Variants in ATAD5 observed in about 807,000 individuals in gnomAD.
The protein encoded by ATAD5 is ATPase family AAA domain containing 5.
In ATAD5, 58 loss-of-function variants were observed where a neutral mutation model predicts 176.9. The observed-to-expected ratio is 0.33, with a 90% CI of 0.27 to 0.41. The LOEUF (loss-of-function observed/expected upper bound fraction) is 0.41. Ranked by LOEUF, ATAD5 falls within the 10% of genes least tolerant of loss-of-function variation. The pLI, the probability that ATAD5 is intolerant of heterozygous loss-of-function variation, is 1.00. For missense variants in ATAD5, 1,789 were observed against 2,094.1 expected (o/e 0.85, Z 2.84); for synonymous variants, 640 against 712.6 (o/e 0.90, Z 1.62).
intron 19 of ATAD5, among the ~76,000 whole-genome samples, chr17:30,888,134 A>C (rs548190793): frequency 5.3e-5 from 8 of 151,854 alleles, no homozygotes; most frequent in South Asian, 2.1e-4. Context: ...TACTTGGCCC[A>C]AAAAAAAATT....
intron 15 of ATAD5, among the ~76,000 whole-genome samples, 189 bp downstream of exon 15, chr17:30,876,739 G>T (rs1288400860): frequency 9.2e-6 from 1 of 108,476 alleles, no homozygotes; most frequent in Non-Finnish European, 1.7e-5. Context: ...TTGAGACAGA[G>T]TCTTGCTCTA....
intron 11 of ATAD5, among the ~76,000 whole-genome samples, 178 bp downstream of exon 11, chr17:30,865,978 T>C (rs1907952867): frequency 6.6e-6 from 1 of 152,082 alleles, no homozygotes; most frequent in South Asian, 2.1e-4. Flanking sequence ...AGATAATCAT[T>C]GAAAATTTTT....
At chr17:30,844,102 T>C (rs1385567656) in intron 5 of ATAD5, 63 bp downstream of exon 5, 6 of 1,259,078 alleles carry the variant, frequency 4.8e-6, no homozygotes, top group Middle Eastern at 2.3e-4. Context: ...TGTTTTGTTT[T>C]GTTTTTGTGT....
chr17:30,840,808 T>C (rs958645465), intron 4 of ATAD5, 27 bp downstream of exon 4: 29 of 1,573,452 alleles, frequency 1.8e-5, no homozygotes, highest in Non-Finnish European at 2.3e-5. Context: ...TCTGTTGGTA[T>C]AAATTCTCTC....
intron 19 of ATAD5, among the ~76,000 whole-genome samples, chr17:30,892,191 G>A (rs1023584800): frequency 4.7e-4 from 72 of 151,602 alleles, no homozygotes; most frequent in African/African-American, 1.6e-3. Context: ...TTGGGAGGTC[G>A]AGGGGGGTGG....
chr17:30,855,271 A>G lies in ATAD5; in HGVS notation c.2579A>G (p.Tyr860Cys). 1 of 1,613,374 alleles carries G rather than the reference A, an allele frequency of 6.2e-7. No individual in the cohort carries two copies. The highest frequency in any genetic ancestry group is 1.7e-4 in the Middle Eastern group (1 of 6,056). Residue 860 changes from tyrosine to cysteine, a missense_variant, in exon 7 of 23, where the codon TAC becomes TGC. Around this residue, in one of 6 missense-constraint regions of ATAD5, gnomAD observed 487 missense variants for 573.6 expected, o/e 0.85. Transcript: ENST00000321990. Reference protein sequence around the residue: ...IAKKAAALDVYNAVSTSFQRV... With the variant: ...IAKKAAALDVCNAVSTSFQRV... ...AAGAAAGCTGCTGCGCTGGATGTGT[A>G]CAATGCAGTGAGTACCAGTTTCCAG...
At chr17:30,871,726 T>G (rs578248806) in intron 14 of ATAD5, among the ~76,000 whole-genome samples, 2 of 152,306 alleles carry the variant, frequency 1.3e-5, no homozygotes, top group South Asian at 4.1e-4. Flanking sequence ...TTTTTCTGAT[T>G]CTTTGGATGC....
At chr17:30,867,251 A>G (rs531747112) in intron 11 of ATAD5, among the ~76,000 whole-genome samples, 60 of 152,160 alleles carry the variant, frequency 3.9e-4, no homozygotes, top group Admixed American at 5.9e-4. Context: ...AATAAAAAAA[A>G]TAGCTGGGAA....
At chr17:30,880,506 G>C (rs1325239962) in intron 18 of ATAD5, among the ~76,000 whole-genome samples, 1 of 151,940 alleles carries the variant, frequency 6.6e-6, no homozygotes, top group African/African-American at 2.4e-5. Context: ...TACTTGGGAG[G>C]CTGTGGCAGG....
At chr17:30,855,469 C>G in intron 7 of ATAD5, 142 bp downstream of exon 7, 1 of 912,576 alleles carries the variant, frequency 1.1e-6, no homozygotes, top group South Asian at 2.0e-5. Flanking sequence ...GACAATTTCT[C>G]TCACTATCCA....
In ATAD5 at chr17:30,847,521, G is replaced by T. The variant is rs1032652589; in HGVS notation, c.2450+2605G>T. ...AATTTTTTGTATTTTTAGTAGAAAC[G>T]GGGTTTCACTATGTTGGCCAGGCTG... On this transcript the variant is annotated intron_variant, in intron 6 of 22. Transcript: ENST00000321990. Among the ~76,000 whole-genome samples the T allele has an allele frequency of 2.0e-5, 3 of 151,378 alleles. No homozygotes were observed. The East Asian group carries it at 5.9e-4, about 30-fold the overall frequency.
Position 30,832,243 on chromosome 17 carries a change from C to T in ATAD5, c.-105C>T, listed in dbSNP as rs1295910652. 9.5e-7 allele frequency: 1 copy of T among 1,054,094 alleles called. No individual in the cohort carries two copies. The allele number at this position is 1,054,094 out of a possible 1,614,324, so 65.3% of individuals were successfully genotyped here. A position where few individuals can be genotyped will look rare whatever the true frequency, so the allele number is the denominator to read the frequency against. ...GGAATCCGAAACGGCTCAGCAGAAT[C>T]CCAGCAGCTTGCTGCTACTGGAGCG... On this transcript the variant is annotated 5_prime_UTR_variant, in exon 1 of 23. Transcript: ENST00000321990.
chr17:30,858,077 T>G (rs1907392770), intron 8 of ATAD5, 84 bp from the exon 9 acceptor site: 4 of 1,221,314 alleles, frequency 3.3e-6, no homozygotes, highest in Non-Finnish European at 3.3e-6. Flanking sequence ...TGATTTATGA[T>G]GGACAGAAAG....
At chr17:30,875,903 C>T (rs555451466) in intron 14 of ATAD5, among the ~76,000 whole-genome samples, 14 of 151,762 alleles carry the variant, frequency 9.2e-5, no homozygotes, top group African/African-American at 3.4e-4. Context: ...TTTGGGAGGC[C>T]GAGGCGGGTA....
chr17:30,867,457 C>T lies in ATAD5; in HGVS notation c.3234-876C>T, dbSNP rs775262808. On this transcript the variant is annotated intron_variant, in intron 11 of 22. Transcript: ENST00000321990. ...CATCTCATAGATGAAGAAACCAAGG[C>T]CTAGAGAGGCTGAGTTATTTGTCCA... Among the ~76,000 whole-genome samples the T allele has an allele frequency of 5.5e-4, 84 of 152,114 alleles. No homozygotes were observed. In the Middle Eastern group the frequency reaches 0.014, roughly 25 times the overall value.
intron 11 of ATAD5, among the ~76,000 whole-genome samples, chr17:30,867,790 G>A (rs1313476871): frequency 6.6e-6 from 1 of 151,926 alleles, no homozygotes; most frequent in Non-Finnish European, 1.5e-5. Context: ...GTTTTTTGTA[G>A]AGACAGGTTT....
chr17:30,886,787 C>T (rs550535791), intron 18 of ATAD5, among the ~76,000 whole-genome samples: 49 of 151,972 alleles, frequency 3.2e-4, no homozygotes, highest in African/African-American at 1.1e-3. Flanking sequence ...CTAATTAGTG[C>T]AATTTCTAAC....
chr17:30,860,655 G>A, intron 10 of ATAD5, 43 bp downstream of exon 10: 1 of 1,453,184 alleles, frequency 6.9e-7, no homozygotes, highest in Non-Finnish European at 9.1e-7. Context: ...ATTGCTTTGA[G>A]GACATGCAAA....
At chr17:30,875,186 A>G (rs1338723833) in intron 14 of ATAD5, among the ~76,000 whole-genome samples, 2 of 152,126 alleles carry the variant, frequency 1.3e-5, no homozygotes, top group Non-Finnish European at 2.9e-5. Context: ...CCATACAGTA[A>G]TTAGGATTTG....
Sources: allele counts gnomAD v4.1 joint callset (sites outside exome capture counted in the v4.1 genomes callset), GRCh38; gene constraint gnomAD v4.1.1; regional missense constraint gnomAD v4.1.1; transcripts MANE v1.5; gene names NCBI Gene and HGNC (gene_info 2026-07-23, HGNC 2026-07-21).